Variants in HPCAL1 observed in about 807,000 individuals in gnomAD.
HPCAL1 encodes the protein hippocalcin like 1, also known as hippocalcin-like protein 1.
In HPCAL1, 8 loss-of-function variants were observed where a neutral mutation model predicts 17.1. The observed-to-expected ratio is 0.47, with a 90% CI of 0.27 to 0.84. HPCAL1 has a LOEUF of 0.84. Ranked by LOEUF, HPCAL1 falls within the 40% of genes least tolerant of loss-of-function variation. HPCAL1 has a pLI of 0.13. For missense variants in HPCAL1, 165 were observed against 271.1 expected, an observed-to-expected ratio of 0.61 and a Z score of 2.75; for synonymous variants, 112 against 111.4, an observed-to-expected ratio of 1.01 and a Z score of -0.03.
chr2:10,382,887 T>C (rs1026240979), intron 1 of HPCAL1, among the ~76,000 whole-genome samples: 1 of 152,200 alleles, frequency 6.6e-6, no homozygotes, highest in African/African-American at 2.4e-5. Context: ...TCAGCCCTTT[T>C]CCTGAGCACT....
chr2:10,334,609 T>G (rs1664599245), intron 1 of HPCAL1, among the ~76,000 whole-genome samples: 1 of 152,250 alleles, frequency 6.6e-6, no homozygotes, highest in Non-Finnish European at 1.5e-5. Flanking sequence ...CAACAATTTT[T>G]AAGCTGTATC....
chr2:10,394,749 G>C lies in HPCAL1; in HGVS notation c.-110-2086G>C, dbSNP rs928541644. Reference sequence around the variant, plus strand: ...CGGGAGTGGTGTAAGGGGTGTGTGGGAACTTTCTGCTCAATTTTGTTGGGA... The same window carrying C: ...CGGGAGTGGTGTAAGGGGTGTGTGGCAACTTTCTGCTCAATTTTGTTGGGA... On this transcript the variant is annotated intron_variant, in intron 1 of 4. Transcript: ENST00000307845. This position sits in a 1 kb window ranked among gnomAD's most constrained non-coding sequence, Gnocchi z 5.0. 7.9e-5 allele frequency among the ~76,000 whole-genome samples: 12 copies of C among 151,996 alleles called. No homozygotes were observed. Among genetic ancestry groups the C allele is most frequent in the African/African-American group, 2.4e-4 (10 of 41,382 alleles).
At chr2:10,328,725 A>G (rs1245975718) in intron 1 of HPCAL1, among the ~76,000 whole-genome samples, 4 of 151,998 alleles carry the variant, frequency 2.6e-5, no homozygotes, top group African/African-American at 9.7e-5. Flanking sequence ...AACATGAACC[A>G]ATTCCTCATA....
intron 1 of HPCAL1, among the ~76,000 whole-genome samples, chr2:10,346,577 T>C (rs528051026): frequency 2.0e-5 from 3 of 152,284 alleles, no homozygotes; most frequent in South Asian, 4.1e-4. Context: ...AAATGGTCCA[T>C]TAAAAGCACT....
At chr2:10,345,297 C>T (rs879888551) in intron 1 of HPCAL1, among the ~76,000 whole-genome samples, 7 of 152,108 alleles carry the variant, frequency 4.6e-5, no homozygotes, top group Non-Finnish European at 7.4e-5. Flanking sequence ...CTGTACTCTG[C>T]GTTTTTGCCA....
chr2:10,389,109 C>A (rs112785347), intron 1 of HPCAL1, among the ~76,000 whole-genome samples: 1 of 152,274 alleles, frequency 6.6e-6, no homozygotes, highest in African/African-American at 2.4e-5. Context: ...AAGACGTGCC[C>A]ACCAGTGTGC....
chr2:10,343,536 T>G lies in HPCAL1; in HGVS notation c.-111+40359T>G, dbSNP rs775727316. On this transcript the variant is annotated intron_variant, in intron 1 of 4. Coordinates refer to ENST00000307845, the MANE Select transcript of HPCAL1 (RefSeq NM_002149.4). This position sits in a 1 kb window ranked among gnomAD's most constrained non-coding sequence, Gnocchi z 4.8. ...GTCTTCCTTTCTTTTGCTTCTGAAC[T>G]TGGAGGTTTCTTGAAGTCTGGAGGA... is the stretch of plus-strand genomic sequence containing the variant. 6.6e-6 allele frequency among the ~76,000 whole-genome samples: 1 copy of G among 152,180 alleles called. No homozygotes were observed. Among genetic ancestry groups the G allele is most frequent in the Non-Finnish European group, 1.5e-5 (1 of 68,028 alleles).
intron 2 of HPCAL1, among the ~76,000 whole-genome samples, chr2:10,417,805 G>T (rs561674138): frequency 6.6e-6 from 1 of 152,226 alleles, no homozygotes; most frequent in South Asian, 2.1e-4. Flanking sequence ...ACATTGGGAG[G>T]TCAAGGTGGG....
chr2:10,408,019 C>A (rs1205009428), intron 2 of HPCAL1, among the ~76,000 whole-genome samples: 2 of 152,188 alleles, frequency 1.3e-5, no homozygotes, highest in Admixed American at 1.3e-4. Flanking sequence ...GTGGCTGAGG[C>A]GAGCGTGCCA....
In HPCAL1 at chr2:10,367,001, G is replaced by A. The variant is rs1666890113; in HGVS notation, c.-110-29834G>A. 6.6e-6 allele frequency among the ~76,000 whole-genome samples: 1 copy of A among 152,112 alleles called. No individual in the cohort carries two copies. Among genetic ancestry groups the A allele is most frequent in the Admixed American group, 6.5e-5 (1 of 15,272 alleles). ...GTGTTGGGACAAAGACGTTGGCTGG[G>A]CGAGGAGGCTGCCTGAGATCCCACA... On this transcript the variant is annotated intron_variant, in intron 1 of 4. Transcript: ENST00000307845. This position sits in a 1 kb window ranked among gnomAD's most constrained non-coding sequence, Gnocchi z 4.4.
intron 2 of HPCAL1, among the ~76,000 whole-genome samples, chr2:10,417,557 A>G (rs189621846): frequency 1.1e-3 from 164 of 152,300 alleles, no homozygotes; most frequent in African/African-American, 3.7e-3. Flanking sequence ...ACATAAAAAT[A>G]CACCTTGAAG....
At chr2:10,368,684 G>A (rs1667013670) in intron 1 of HPCAL1, 1 of 152,278 alleles carries the variant, frequency 6.6e-6, no homozygotes, top group Admixed American at 6.5e-5. Context: ...GTCTGGTGGT[G>A]GCCGCCCTTG....
At chr2:10,337,846 A>G (rs1001799471) in intron 1 of HPCAL1, among the ~76,000 whole-genome samples, 9 of 152,094 alleles carry the variant, frequency 5.9e-5, no homozygotes, top group African/African-American at 1.4e-4. Context: ...GTTCTTAGGA[A>G]TGGTCTCTGT....
chr2:10,339,513 A>AT (rs1266783130), intron 1 of HPCAL1, among the ~76,000 whole-genome samples: 2 of 152,018 alleles, frequency 1.3e-5, no homozygotes, highest in African/African-American at 4.8e-5. Flanking sequence ...TGCCTGATTA[A>AT]TTTTTTTGTA....
chr2:10,411,039 A>G (rs1670323578), intron 2 of HPCAL1, among the ~76,000 whole-genome samples: 1 of 151,872 alleles, frequency 6.6e-6, no homozygotes, highest in Non-Finnish European at 1.5e-5. Flanking sequence ...CCTTGTTAAT[A>G]AGCAAATGCT....
At position 10,395,637 on chromosome 2, in the gene HPCAL1, C is replaced by T. The variant is rs575795160; in HGVS notation, c.-110-1198C>T. Among the ~76,000 whole-genome samples, 27 of 152,216 alleles carry T rather than the reference C, an allele frequency of 1.8e-4. No homozygotes were observed. The highest frequency in any genetic ancestry group is 5.9e-5 in the Non-Finnish European group (4 of 68,010). On this transcript the variant is annotated intron_variant, in intron 1 of 4. Transcript: ENST00000307845. The surrounding 1 kb of genome is among the most constrained non-coding windows in gnomAD (Gnocchi z 4.4). ...GGGATCGTTGCTATGAGAGAGAGAA[C>T]CTTGCGTTGGGAGAAAGTAATTAGG... is the stretch of plus-strand genomic sequence containing the variant.
intron 1 of HPCAL1, among the ~76,000 whole-genome samples, chr2:10,388,030 C>T (rs1360154169): frequency 6.6e-6 from 1 of 152,146 alleles, no homozygotes; most frequent in African/African-American, 2.4e-5. Flanking sequence ...CGCAGGCCCC[C>T]CATGGGACCC....
rs542785456 is a variant in HPCAL1 at position 10,395,642 on chromosome 2, C to T, written c.-110-1193C>T. On this transcript the variant is annotated intron_variant, in intron 1 of 4. Coordinates refer to ENST00000307845, the MANE Select transcript of HPCAL1 (RefSeq NM_002149.4). This position sits in a 1 kb window ranked among gnomAD's most constrained non-coding sequence, Gnocchi z 4.4. ...CGTTGCTATGAGAGAGAGAACCTTGCGTTGGGAGAAAGTAATTAGGGAGTG... is the reference window on the plus strand; with the variant it reads ...CGTTGCTATGAGAGAGAGAACCTTGTGTTGGGAGAAAGTAATTAGGGAGTG... Among the ~76,000 whole-genome samples, 3 of 152,198 alleles carry T rather than the reference C, an allele frequency of 2.0e-5. No homozygotes were observed. The highest frequency in any genetic ancestry group is 2.1e-4 in the South Asian group (1 of 4,822).
At chr2:10,393,127 A>G (rs1668810916) in intron 1 of HPCAL1, among the ~76,000 whole-genome samples, 2 of 152,220 alleles carry the variant, frequency 1.3e-5, no homozygotes, top group African/African-American at 4.8e-5. Flanking sequence ...AATTTGTAAG[A>G]CAATCGCCAG....
Sources: allele counts gnomAD v4.1 joint callset (sites outside exome capture counted in the v4.1 genomes callset), GRCh38; gene constraint gnomAD v4.1.1; non-coding constraint Gnocchi (gnomAD v3.1); transcripts MANE v1.5; gene names NCBI Gene and HGNC (gene_info 2026-07-23, HGNC 2026-07-21).